The following SGCD variants were observed in gnomAD, a reference collection of about 807,000 sequenced individuals.
SGCD encodes delta-sarcoglycan.
Under a neutral mutation model 36.6 loss-of-function variants are expected in SGCD, and 18 were observed. That is an observed-to-expected ratio of 0.49 (90% CI 0.34 to 0.73). SGCD has a LOEUF of 0.73. SGCD is among the 30% of genes least tolerant of loss of function. SGCD has a pLI of 0.01. For missense variants in SGCD, 387 were observed against 346.7 expected, an observed-to-expected ratio of 1.12 and a Z score of -0.92; for synonymous variants, 133 against 130.6, an observed-to-expected ratio of 1.02 and a Z score of -0.12.
At chr5:156,279,984 AACAC>A (rs141892026) in intron 3 of SGCD, among the ~76,000 whole-genome samples, 2,154 of 148,618 alleles carry the variant, frequency 0.014, 23 homozygotes, top group Non-Finnish European at 0.024. Flanking sequence ...CACACATACA[AACAC>A]ACACACACAC....
At chr5:155,992,254 T>G (rs1758446208) in intron 1 of SGCD, among the ~76,000 whole-genome samples, 1 of 152,166 alleles carries the variant, frequency 6.6e-6, no homozygotes, top group Non-Finnish European at 1.5e-5. Flanking sequence ...GTGCACACTC[T>G]AGAGAATTTA....
intron 3 of SGCD, among the ~76,000 whole-genome samples, chr5:156,142,712 C>T (rs1300036192): frequency 1.3e-5 from 2 of 152,118 alleles, no homozygotes; most frequent in Non-Finnish European, 2.9e-5. Context: ...TTTAGGGTAT[C>T]CGGTGGATGA....
At chr5:156,553,082 A>G (rs1458858159) in intron 4 of SGCD, among the ~76,000 whole-genome samples, 1 of 152,180 alleles carries the variant, frequency 6.6e-6, no homozygotes, top group Non-Finnish European at 1.5e-5. Flanking sequence ...TGGAGATCAC[A>G]TGGTCAGAGA....
intron 2 of SGCD, among the ~76,000 whole-genome samples, chr5:156,339,597 T>A (rs1768538030): frequency 6.6e-6 from 1 of 152,136 alleles, no homozygotes; most frequent in Admixed American, 6.5e-5. Context: ...AACATGACAA[T>A]AAAGTGAATC....
chr5:156,385,110 T>C (rs1270702575), intron 3 of SGCD, among the ~76,000 whole-genome samples: 2 of 152,176 alleles, frequency 1.3e-5, no homozygotes, highest in African/African-American at 4.8e-5. Flanking sequence ...TGCATTTAGA[T>C]GGAGTGAAGT....
In SGCD at chr5:156,229,152, C is replaced by T. The variant is rs187914387; in HGVS notation, c.-43-100382C>T. Among the ~76,000 whole-genome samples the T allele has an allele frequency of 4.0e-3, 604 of 150,978 alleles. 3 individuals carry two copies. Among genetic ancestry groups the T allele is most frequent in the Middle Eastern group, 0.014 (4 of 290 alleles). ...CAGTTTTGAAACTTGGGCTGGCACTCCCTGCTCCTCAGCCTGCAGGTGGCC... is the reference window on the plus strand; with the variant it reads ...CAGTTTTGAAACTTGGGCTGGCACTTCCTGCTCCTCAGCCTGCAGGTGGCC... On this transcript the variant is annotated intron_variant, in intron 3 of 9. Coordinates refer to the SGCD transcript ENST00000517913.
chr5:156,473,422 G>A (rs1440742073), intron 3 of SGCD, among the ~76,000 whole-genome samples: 3 of 152,230 alleles, frequency 2.0e-5, no homozygotes, highest in African/African-American at 7.2e-5. Context: ...GATTCATGCA[G>A]GATAGAGAGG....
intron 1 of SGCD, among the ~76,000 whole-genome samples, chr5:155,883,150 G>T (rs747362293): frequency 1.7e-4 from 26 of 152,110 alleles, no homozygotes; most frequent in Non-Finnish European, 2.8e-4. Flanking sequence ...GAGAGTTAGG[G>T]CCTTGCTCTG....
intron 4 of SGCD, among the ~76,000 whole-genome samples, chr5:156,561,486 A>C (rs897753329): frequency 1.3e-5 from 2 of 152,272 alleles, no homozygotes; most frequent in Non-Finnish European, 2.9e-5. Flanking sequence ...TAAGCAACGC[A>C]GTGAAACTCA....
At chr5:155,821,139 T>C in the SGCD span, among the ~76,000 whole-genome samples, 1 of 152,206 alleles carries the variant, frequency 6.6e-6, no homozygotes, top group Non-Finnish European at 1.5e-5. Context: ...ACCCAGCATA[T>C]ACTTGAAACC....
the SGCD span, among the ~76,000 whole-genome samples, chr5:155,796,378 G>A: frequency 6.6e-6 from 1 of 152,020 alleles, no homozygotes. Context: ...CATCACATTG[G>A]TAATGTAAAA....
At chr5:155,917,762 C>T (rs192142837) in intron 1 of SGCD, among the ~76,000 whole-genome samples, 163 of 152,224 alleles carry the variant, frequency 1.1e-3, no homozygotes, top group African/African-American at 3.6e-3. Flanking sequence ...TCCACCTCTA[C>T]AAAAATTAGC....
At chr5:155,869,997 TCAA>T (rs34754949), upstream of SGCD, among the ~76,000 whole-genome samples, 78,026 of 150,930 alleles carry the variant, frequency 0.52, 21,382 homozygotes, top group African/African-American at 0.7. Context: ...AGACTCCGTC[TCAA>T]CAACAACAAC....
intron 3 of SGCD, among the ~76,000 whole-genome samples, chr5:156,359,148 T>A (rs1360768491): frequency 6.6e-6 from 1 of 152,228 alleles, no homozygotes; most frequent in African/African-American, 2.4e-5. Context: ...AGAATCAGAC[T>A]ATAATTACTC....
intron 3 of SGCD, among the ~76,000 whole-genome samples, chr5:156,285,336 A>G (rs1397521918): frequency 6.6e-6 from 1 of 152,196 alleles, no homozygotes; most frequent in Non-Finnish European, 1.5e-5. Flanking sequence ...TAAAGTTCAT[A>G]TGGAACCCAA....
intron 3 of SGCD, among the ~76,000 whole-genome samples, chr5:156,435,654 G>C (rs1352512935): frequency 6.6e-6 from 1 of 152,102 alleles, no homozygotes; most frequent in Admixed American, 6.6e-5. Context: ...ACTTTCCTTT[G>C]CAAGTTCTGT....
chr5:156,676,093 A>G (rs1753496348), intron 7 of SGCD, among the ~76,000 whole-genome samples: 1 of 152,232 alleles, frequency 6.6e-6, no homozygotes, highest in African/African-American at 2.4e-5. Context: ...CAAATGGAAT[A>G]TTTTGTATTA....
At chr5:156,639,294 C>T (rs1762942916) in intron 6 of SGCD, among the ~76,000 whole-genome samples, 1 of 152,140 alleles carries the variant, frequency 6.6e-6, no homozygotes, top group Admixed American at 6.6e-5. Context: ...ATTAACTTGT[C>T]CAGTATCATA....
At chr5:155,949,771 A>T (rs1054279785) in intron 1 of SGCD, among the ~76,000 whole-genome samples, 2 of 152,142 alleles carry the variant, frequency 1.3e-5, no homozygotes, top group South Asian at 4.1e-4. Flanking sequence ...AGTAGTTGTG[A>T]CAGAAATCAC....
Sources: allele counts gnomAD v4.1 joint callset (sites outside exome capture counted in the v4.1 genomes callset), GRCh38; gene constraint gnomAD v4.1.1; transcripts MANE v1.5; gene names NCBI Gene and HGNC (gene_info 2026-07-23, HGNC 2026-07-21).